Variants in LPP observed in about 807,000 individuals in gnomAD.
LPP encodes lipoma-preferred partner.
In LPP, 38 loss-of-function variants were observed where a neutral mutation model predicts 60.4. The ratio of observed to expected loss-of-function variants is 0.63; its 90% confidence interval spans 0.49 to 0.83. LPP has a LOEUF of 0.83. Among genes scored for constraint, LPP ranks in the 40% least tolerant of loss-of-function variants. The pLI is 0.00. For synonymous variants in LPP, 328 were observed against 290.8 expected, an observed-to-expected ratio of 1.13 and a Z score of -1.30; for missense variants, 902 against 783.6, an observed-to-expected ratio of 1.15 and a Z score of -1.80.
chr3:188,740,667 A>G (rs111601380), intron 8 of LPP, among the ~76,000 whole-genome samples: 1,699 of 152,074 alleles, frequency 0.011, 35 homozygotes, highest in African/African-American at 0.039. Context: ...TTTTGTCTTC[A>G]GCTTGTGATT....
At chr3:188,853,523 A>C (rs559139783) in intron 9 of LPP, among the ~76,000 whole-genome samples, 3 of 152,318 alleles carry the variant, frequency 2.0e-5, no homozygotes, top group African/African-American at 7.2e-5. Flanking sequence ...CAATGAGCAC[A>C]AAGTGTTTAA....
Position 188,495,083 on chromosome 3 carries a change from T to TATATATATATATATATATATA in LPP, c.306+10379_306+10380insATATATATATATATATATATA, listed in dbSNP as rs57578460. 5.5e-4 allele frequency among the ~76,000 whole-genome samples: 43 copies of TATATATATATATATATATATA among 77,736 alleles called. 3 individuals are homozygous for TATATATATATATATATATATA. Among genetic ancestry groups the TATATATATATATATATATATA allele is most frequent in the Middle Eastern group, 6.4e-3 (1 of 156 alleles). 51.0% of individuals were successfully genotyped at this position (77,736 alleles called of 152,430 possible). ...AGGATTTTATATATATATATATATA[T>TATATATATATATATATATATA]TTTATTTATATTTTATTATATATTT... On this transcript the variant is annotated intron_variant, in intron 5 of 11. Coordinates refer to ENST00000617246, the MANE Select transcript of LPP (RefSeq NM_001375462.1).
chr3:188,554,930 AGTAAAC>A (rs1829109162), intron 6 of LPP, among the ~76,000 whole-genome samples: 1 of 152,196 alleles, frequency 6.6e-6, no homozygotes, highest in Non-Finnish European at 1.5e-5. Context: ...GGAGAGGCAT[AGTAAAC>A]ATGTTAGGTT....
chr3:188,694,056 T>G (rs1340716887), intron 7 of LPP, among the ~76,000 whole-genome samples: 1 of 152,176 alleles, frequency 6.6e-6, no homozygotes, highest in Non-Finnish European at 1.5e-5. Context: ...TCTTTTCTGT[T>G]TCTGAAATTC....
At chr3:188,836,100 G>C (rs1758384211) in intron 9 of LPP, among the ~76,000 whole-genome samples, 1 of 152,104 alleles carries the variant, frequency 6.6e-6, no homozygotes, top group Non-Finnish European at 1.5e-5. Context: ...ATCATGTTTG[G>C]CTTTTCAAAA....
chr3:188,330,365 T>G (rs557439562), intron 2 of LPP, among the ~76,000 whole-genome samples: 2 of 152,328 alleles, frequency 1.3e-5, no homozygotes, highest in South Asian at 4.1e-4. Flanking sequence ...AAATGTATTG[T>G]GCTTTCATTT....
chr3:188,531,072 G>A (rs1822063942), intron 6 of LPP, among the ~76,000 whole-genome samples: 1 of 152,122 alleles, frequency 6.6e-6, no homozygotes, highest in African/African-American at 2.4e-5. Flanking sequence ...GATTGGAGCT[G>A]ATGACTGAGT....
intron 2 of LPP, among the ~76,000 whole-genome samples, chr3:188,285,820 TC>T (rs1743732684): frequency 6.6e-6 from 1 of 152,216 alleles, no homozygotes; most frequent in Non-Finnish European, 1.5e-5. Context: ...TTGCTGTTTA[TC>T]CTGGGAGAAT....
intron 6 of LPP, among the ~76,000 whole-genome samples, chr3:188,546,465 A>G (rs976408707): frequency 2.0e-5 from 3 of 152,030 alleles, no homozygotes; most frequent in African/African-American, 7.2e-5. Context: ...GCTTGTCCCT[A>G]AGTGCTCCTG....
chr3:188,584,203 T>C (rs1836897765), intron 6 of LPP: 2 of 152,240 alleles, frequency 1.3e-5, no homozygotes, highest in South Asian at 4.1e-4. Context: ...GGGGGATTTT[T>C]TTTAATAGTT....
chr3:188,187,104 C>G (rs1250912279), intron 1 of LPP, among the ~76,000 whole-genome samples: 1 of 152,070 alleles, frequency 6.6e-6, no homozygotes. Context: ...TTTAGGTTAC[C>G]TTTTGCATCT....
At chr3:188,849,945 C>T (rs977935437) in intron 9 of LPP, among the ~76,000 whole-genome samples, 2 of 152,146 alleles carry the variant, frequency 1.3e-5, no homozygotes, top group African/African-American at 4.8e-5. Context: ...TTCTGGCTAT[C>T]CATAGCGGAC....
At chr3:188,357,799 A>G (rs1768048048) in intron 3 of LPP, among the ~76,000 whole-genome samples, 1 of 152,202 alleles carries the variant, frequency 6.6e-6, no homozygotes, top group South Asian at 2.1e-4. Context: ...AGAATAAACA[A>G]AAAAACAGCA....
chr3:188,704,897 C>G (rs1865177107), intron 7 of LPP, among the ~76,000 whole-genome samples: 2 of 151,860 alleles, frequency 1.3e-5, no homozygotes, highest in Non-Finnish European at 2.9e-5. Flanking sequence ...GGCATGGAAG[C>G]AGTAATTAAC....
intron 7 of LPP, among the ~76,000 whole-genome samples, chr3:188,694,829 T>C (rs778612506): frequency 6.6e-6 from 1 of 152,236 alleles, no homozygotes; most frequent in Non-Finnish European, 1.5e-5. Flanking sequence ...GCAGAGAGAC[T>C]ATATCATTAA....
intron 3 of LPP, among the ~76,000 whole-genome samples, chr3:188,362,064 A>G (rs1485879516): frequency 6.6e-6 from 1 of 152,178 alleles, no homozygotes; most frequent in Non-Finnish European, 1.5e-5. Flanking sequence ...AAGGAGAGGT[A>G]CAGATAGTAG....
intron 7 of LPP, among the ~76,000 whole-genome samples, chr3:188,658,060 G>A (rs774087784): frequency 2.0e-5 from 3 of 151,380 alleles, no homozygotes; most frequent in Non-Finnish European, 4.4e-5. Context: ...CAGTGACAAC[G>A]AATGAGTAAC....
intron 9 of LPP, among the ~76,000 whole-genome samples, chr3:188,797,868 T>G (rs1745845130): frequency 6.6e-6 from 1 of 152,228 alleles, no homozygotes; most frequent in Non-Finnish European, 1.5e-5. Context: ...CCAAAGCTCC[T>G]TCTGGTGGGA....
intron 7 of LPP, among the ~76,000 whole-genome samples, chr3:188,689,612 T>C (rs949544156): frequency 1.3e-5 from 2 of 152,206 alleles, no homozygotes; most frequent in African/African-American, 4.8e-5. Context: ...CCTCCAGGTT[T>C]GTTTGACATT....
Sources: allele counts gnomAD v4.1 joint callset (sites outside exome capture counted in the v4.1 genomes callset), GRCh38; gene constraint gnomAD v4.1.1; transcripts MANE v1.5; gene names NCBI Gene and HGNC (gene_info 2026-07-23, HGNC 2026-07-21).